ROBO1: variants seen among roughly 807,000 people sequenced by gnomAD.
ROBO1 encodes roundabout guidance receptor 1.
Under a neutral mutation model 195.9 loss-of-function variants are expected in ROBO1, and 149 were observed. That is an observed-to-expected ratio of 0.76 (90% CI 0.67 to 0.87). ROBO1 has a LOEUF of 0.87. Ranked by LOEUF, ROBO1 falls within the 40% of genes least tolerant of loss-of-function variation. The pLI is 0.00. For synonymous variants in ROBO1, 816 were observed against 733.2 expected (o/e 1.11, Z -1.82); for missense variants, 1,933 against 2,068.3 (o/e 0.93, Z 1.27).
At chr3:79,528,290 T>G (rs1941517364) in intron 2 of ROBO1, among the ~76,000 whole-genome samples, 1 of 152,204 alleles carries the variant, frequency 6.6e-6, no homozygotes, top group Non-Finnish European at 1.5e-5. Context: ...TTCCTTTTCT[T>G]TTCTCCCTTG....
At chr3:79,287,295 G>A (rs1341211426) in intron 2 of ROBO1, among the ~76,000 whole-genome samples, 1 of 151,976 alleles carries the variant, frequency 6.6e-6, no homozygotes, top group Admixed American at 6.6e-5. Flanking sequence ...TAATCTGATA[G>A]CATAACCAAT....
intron 4 of ROBO1, among the ~76,000 whole-genome samples, chr3:78,828,033 T>G (rs2031791651): frequency 6.6e-6 from 1 of 152,234 alleles, no homozygotes; most frequent in African/African-American, 2.4e-5. Flanking sequence ...CAGATACTAT[T>G]AACATTTTAA....
At chr3:79,401,464 A>G (rs1275325422) in intron 2 of ROBO1, among the ~76,000 whole-genome samples, 3 of 151,900 alleles carry the variant, frequency 2.0e-5, no homozygotes, top group African/African-American at 7.2e-5. Context: ...AATAATATTT[A>G]ATAATAAATG....
chr3:79,035,263 T>C (rs1362606194), intron 3 of ROBO1, among the ~76,000 whole-genome samples: 1 of 152,206 alleles, frequency 6.6e-6, no homozygotes, highest in African/African-American at 2.4e-5. Flanking sequence ...TTATGAGAAC[T>C]ATTGTTTTAC....
At chr3:79,525,561 T>A (rs888572690) in intron 2 of ROBO1, among the ~76,000 whole-genome samples, 1 of 145,180 alleles carries the variant, frequency 6.9e-6, no homozygotes, top group Non-Finnish European at 1.5e-5. Context: ...TATATAAATA[T>A]ATATATATTT....
chr3:78,682,163 T>G (rs2080931249), intron 10 of ROBO1, among the ~76,000 whole-genome samples: 1 of 151,938 alleles, frequency 6.6e-6, no homozygotes, highest in South Asian at 2.1e-4. Flanking sequence ...CCCCCTGAAG[T>G]TAGGATCAAG....
chr3:79,633,181 GTT>G (rs67578449), intron 1 of ROBO1, among the ~76,000 whole-genome samples: 215 of 132,160 alleles, frequency 1.6e-3, no homozygotes, highest in South Asian at 8.4e-3. Context: ...TATTTGCTGG[GTT>G]TTTTTTTTTT....
At chr3:78,775,974 G>A (rs2083494341) in intron 4 of ROBO1, among the ~76,000 whole-genome samples, 1 of 152,154 alleles carries the variant, frequency 6.6e-6, no homozygotes, top group African/African-American at 2.4e-5. Context: ...AGCTTTCCAT[G>A]TATGCATAGT....
intron 4 of ROBO1, among the ~76,000 whole-genome samples, chr3:78,903,993 T>C (rs1404522407): frequency 6.6e-6 from 1 of 152,062 alleles, no homozygotes; most frequent in Non-Finnish European, 1.5e-5. Context: ...CTCAGAACAC[T>C]GTTGTAGGAA....
intron 2 of ROBO1, among the ~76,000 whole-genome samples, chr3:79,313,492 G>A (rs2033586870): frequency 6.6e-6 from 1 of 152,114 alleles, no homozygotes; most frequent in Non-Finnish European, 1.5e-5. Flanking sequence ...GCTTTTAGAA[G>A]CTCTCTTAGA....
chr3:79,620,441 C>T (rs1944969854), intron 1 of ROBO1, among the ~76,000 whole-genome samples: 1 of 152,136 alleles, frequency 6.6e-6, no homozygotes, highest in African/African-American at 2.4e-5. Flanking sequence ...TTTCCCTTGC[C>T]TCCATAACTG....
chr3:78,989,094 T>G (rs137928762), intron 3 of ROBO1, among the ~76,000 whole-genome samples: 1 of 152,132 alleles, frequency 6.6e-6, no homozygotes, highest in Non-Finnish European at 1.5e-5. Context: ...TATACCACTG[T>G]AAAGTAAGTT....
At chr3:79,612,233 T>C (rs1483274889) in intron 1 of ROBO1, among the ~76,000 whole-genome samples, 2 of 147,120 alleles carry the variant, frequency 1.4e-5, no homozygotes, top group Admixed American at 6.9e-5. Context: ...TCTGTGTCCA[T>C]GTGATCTCAT....
At chr3:79,406,996 G>A (rs1015902794) in intron 2 of ROBO1, among the ~76,000 whole-genome samples, 4 of 151,970 alleles carry the variant, frequency 2.6e-5, no homozygotes, top group African/African-American at 9.7e-5. Flanking sequence ...TTGGCTCACC[G>A]CAACCTCCAC....
intron 2 of ROBO1, among the ~76,000 whole-genome samples, chr3:79,457,127 A>G (rs2039641833): frequency 6.6e-6 from 1 of 152,162 alleles, no homozygotes; most frequent in African/African-American, 2.4e-5. Flanking sequence ...ATCAGTAGGA[A>G]GCAGTTGATT....
intron 2 of ROBO1, among the ~76,000 whole-genome samples, chr3:79,252,771 G>C (rs1192412754): frequency 1.3e-5 from 2 of 152,044 alleles, no homozygotes; most frequent in Non-Finnish European, 2.9e-5. Flanking sequence ...GCCAAAAATG[G>C]CTCTTTAAAA....
At chr3:79,000,968 G>T (rs1210308165) in intron 3 of ROBO1, among the ~76,000 whole-genome samples, 2 of 152,116 alleles carry the variant, frequency 1.3e-5, no homozygotes, top group East Asian at 1.9e-4. Context: ...CATGTCCTTT[G>T]CAGGGACATG....
chr3:79,502,682 C>T (rs545583597), intron 2 of ROBO1, among the ~76,000 whole-genome samples: 1 of 113,368 alleles, frequency 8.8e-6, no homozygotes, highest in South Asian at 2.7e-4. Flanking sequence ...CAGCTGGGCT[C>T]CTGAGTCTAG....
At chr3:79,642,962 C>T (rs943846210) in intron 1 of ROBO1, among the ~76,000 whole-genome samples, 33 of 151,988 alleles carry the variant, frequency 2.2e-4, no homozygotes, top group Non-Finnish European at 4.1e-4. Flanking sequence ...TTGAAGGATG[C>T]AAATTATTGG....
Sources: gnomAD v4.1 joint callset for allele counts (sites outside exome capture counted in the v4.1 genomes callset) on GRCh38, gnomAD v4.1.1 for gene constraint, MANE v1.5 for transcripts, NCBI Gene and HGNC (gene_info 2026-07-23, HGNC 2026-07-21) for gene names.